Variants in ZNF83 observed in about 807,000 individuals in gnomAD.
ZNF83 encodes zinc finger protein 83.
For synonymous variants in ZNF83, 209 were observed against 213.0 expected (o/e 0.98, Z 0.17); for missense variants, 552 against 629.9 (o/e 0.88, Z 1.32).
chr19:52,620,970 C>G (rs2060521488), intron 2 of ZNF83, among the ~76,000 whole-genome samples: 1 of 152,210 alleles, frequency 6.6e-6, no homozygotes, highest in Admixed American at 6.5e-5. Context: ...CTGCTTATCC[C>G]AGTCCTATAA....
intron 1 of ZNF83, among the ~76,000 whole-genome samples, chr19:52,681,361 T>C (rs1353009265): frequency 2.0e-5 from 3 of 150,406 alleles, no homozygotes. Flanking sequence ...GTGATATTCA[T>C]TACCTAGATG....
intron 3 of ZNF83, chr19:52,655,409 C>A: frequency 4.0e-6 from 3 of 758,912 alleles, no homozygotes; most frequent in Non-Finnish European, 2.2e-6. Context: ...AAGAAGCTGT[C>A]TATGACAGAC....
chr19:52,688,843 T>G, intron 1 of ZNF83, among the ~76,000 whole-genome samples: 1 of 151,860 alleles, frequency 6.6e-6, no homozygotes, highest in Admixed American at 6.6e-5. Context: ...AGTTTTCCTC[T>G]GCCTGTCAAG....
chr19:52,668,392 TTTTCC>T (rs889177189), intron 1 of ZNF83, among the ~76,000 whole-genome samples: 1 of 152,276 alleles, frequency 6.6e-6, no homozygotes, highest in African/African-American at 2.4e-5. Flanking sequence ...TCTATCTATC[TTTTCC>T]TTTCCTTTCC....
chr19:52,684,459 G>A (rs1459327010), intron 1 of ZNF83, among the ~76,000 whole-genome samples: 1 of 148,892 alleles, frequency 6.7e-6, no homozygotes, highest in African/African-American at 2.5e-5. Flanking sequence ...TGAGGCACAA[G>A]AATCACTTGA....
chr19:52,646,753 C>T (rs1768549522), intron 3 of ZNF83, among the ~76,000 whole-genome samples: 1 of 152,174 alleles, frequency 6.6e-6, no homozygotes, highest in Admixed American at 6.5e-5. Flanking sequence ...CCTTTACTGT[C>T]TCTCCTTTCC....
At chr19:52,663,747 T>C (rs1344796697) in intron 1 of ZNF83, among the ~76,000 whole-genome samples, 2 of 152,168 alleles carry the variant, frequency 1.3e-5, no homozygotes, top group African/African-American at 4.8e-5. Context: ...AGAAAAACAA[T>C]TTTAAAATGG....
chr19:52,631,424 A>G (rs189710028), intron 2 of ZNF83, among the ~76,000 whole-genome samples: 1 of 152,180 alleles, frequency 6.6e-6, no homozygotes, highest in African/African-American at 2.4e-5. Flanking sequence ...TGCGTGCAGC[A>G]GCTGCTGCCG....
At chr19:52,689,996 G>A (rs1397909940) in intron 1 of ZNF83, among the ~76,000 whole-genome samples, 1 of 152,120 alleles carries the variant, frequency 6.6e-6, no homozygotes, top group African/African-American at 2.4e-5. Context: ...GGCGCCTGAG[G>A]ACAAGGGTGG....
chr19:52,660,795 G>T, exon 2 of ZNF83: 1 of 210,502 alleles, frequency 4.8e-6, no homozygotes, highest in East Asian at 1.1e-4. Context: ...CCTTTTCTTT[G>T]GTCTTCTTGG....
chr19:52,653,848 T>C (rs546272751), intron 3 of ZNF83, among the ~76,000 whole-genome samples: 1 of 152,348 alleles, frequency 6.6e-6, no homozygotes, highest in East Asian at 1.9e-4. Flanking sequence ...GGTTACATGA[T>C]GTCTTCTTAA....
chr19:52,642,198 T>C (rs329952), upstream of ZNF83, among the ~76,000 whole-genome samples: 1 of 149,640 alleles, frequency 6.7e-6, no homozygotes, highest in Non-Finnish European at 1.5e-5. Context: ...CAGGGTAAAA[T>C]TCAACAGAAC....
intron 3 of ZNF83, chr19:52,652,553 A>G: frequency 2.3e-6 from 1 of 439,736 alleles, no homozygotes; most frequent in South Asian, 1.7e-5. Flanking sequence ...CAATCATGAC[A>G]TTTGTAACGT....
intron 1 of ZNF83, among the ~76,000 whole-genome samples, chr19:52,663,154 C>T (rs941282386): frequency 1.3e-5 from 2 of 151,816 alleles, no homozygotes; most frequent in African/African-American, 2.4e-5. Context: ...CAGAGTGACA[C>T]TCCATCTCAA....
intron 2 of ZNF83, among the ~76,000 whole-genome samples, chr19:52,621,081 T>G (rs2060525470): frequency 6.6e-6 from 1 of 152,182 alleles, no homozygotes; most frequent in South Asian, 2.1e-4. Flanking sequence ...CAAAACCTGT[T>G]TGGTGGTCTC....
intron 1 of ZNF83, among the ~76,000 whole-genome samples, chr19:52,662,502 C>A (rs1403212585): frequency 6.6e-6 from 1 of 152,086 alleles, no homozygotes; most frequent in Non-Finnish European, 1.5e-5. Context: ...TGGACAGAGA[C>A]AAGGAGAGGT....
chr19:52,638,961 G>C (rs1473719584), upstream of ZNF83, among the ~76,000 whole-genome samples: 1 of 152,182 alleles, frequency 6.6e-6, no homozygotes, highest in Admixed American at 6.5e-5. Context: ...CCCTCCCGCA[G>C]GGCTCCCTTC....
intron 2 of ZNF83, among the ~76,000 whole-genome samples, chr19:52,656,226 C>CTCTATA (rs1491301162): frequency 2.1e-3 from 309 of 145,044 alleles, no homozygotes; most frequent in African/African-American, 6.7e-3. Context: ...CTCTCTCTCT[C>CTCTATA]TATATATATA....
chr19:52,664,522 C>T (rs1047234614), intron 1 of ZNF83, among the ~76,000 whole-genome samples: 1 of 152,042 alleles, frequency 6.6e-6, no homozygotes, highest in African/African-American at 2.4e-5. Context: ...AAGAAGGAAC[C>T]ACTGGGTCCT....
Sources: gnomAD v4.1 joint callset for allele counts (sites outside exome capture counted in the v4.1 genomes callset) on GRCh38, gnomAD v4.1.1 for gene constraint, MANE v1.5 for transcripts, NCBI Gene and HGNC (gene_info 2026-07-23, HGNC 2026-07-21) for gene names.